CDH8: variants seen among roughly 807,000 people sequenced by gnomAD.
CDH8 encodes the protein cadherin 8.
CDH8 carries 17 observed loss-of-function variants against 68.1 expected under a neutral mutation model. That is an observed-to-expected ratio of 0.25 (90% CI 0.17 to 0.37). The LOEUF (loss-of-function observed/expected upper bound fraction) is 0.37, where lower values mean the gene tolerates loss of function less well. Among genes scored for constraint, CDH8 ranks in the 10% least tolerant of loss-of-function variants. The pLI is 1.00. For synonymous variants in CDH8, 372 were observed against 365.1 expected, an observed-to-expected ratio of 1.02 and a Z score of -0.21; for missense variants, 763 against 999.3, an observed-to-expected ratio of 0.76 and a Z score of 3.19.
intron 3 of CDH8, among the ~76,000 whole-genome samples, chr16:61,896,547 G>A: frequency 6.6e-6 from 1 of 152,182 alleles, no homozygotes; most frequent in East Asian, 1.9e-4. Flanking sequence ...GGCTAAGGAA[G>A]AACAGTGGTA....
Position 61,648,044 on chromosome 16 carries a change from C to A in CDH8, c.*5564G>T. The stretch of plus-strand genomic sequence containing the variant: ...TTTTCACCAGCAAATGCCTACTAAC[C>A]TTGAGACCTAGATGAAACTTCCACA... On this transcript the variant is annotated 3_prime_UTR_variant, in exon 12 of 12. Transcript: ENST00000577390. The A allele has an allele frequency of 1.8e-6, 1 of 552,858 alleles. No individual in the cohort carries two copies. Among genetic ancestry groups the A allele is most frequent in the Non-Finnish European group, 3.2e-6 (1 of 311,824 alleles). 34.2% of individuals were successfully genotyped at this position (552,858 alleles called of 1,614,324 possible).
intron 10 of CDH8, among the ~76,000 whole-genome samples, chr16:61,700,124 A>G (rs1489159177): frequency 6.6e-6 from 1 of 152,188 alleles, no homozygotes; most frequent in Non-Finnish European, 1.5e-5. Flanking sequence ...TTAAAATATT[A>G]AAGTGTGAGA....
intron 2 of CDH8, among the ~76,000 whole-genome samples, chr16:61,945,895 A>G (rs1243263209): frequency 6.6e-6 from 1 of 152,178 alleles, no homozygotes; most frequent in African/African-American, 2.4e-5. Context: ...TTTTTCTTCT[A>G]AATCCTTTGG....
chr16:62,015,251 A>T lies in CDH8; in HGVS notation c.252+5901T>A, dbSNP rs527741133. On this transcript the variant is annotated intron_variant, in intron 2 of 11. Transcript: ENST00000577390. ...GTAAGGTAAATATGAAACATAAATG[A>T]ATTTCATGTTTAGACTTGGCTCCAT... Among the ~76,000 whole-genome samples, 6 of 152,306 alleles carry T rather than the reference A, an allele frequency of 3.9e-5. No homozygotes were observed. The East Asian group carries it at 9.7e-4, about 25-fold the overall frequency.
At chr16:61,742,844 T>A (rs1438874076) in intron 8 of CDH8, among the ~76,000 whole-genome samples, 1 of 152,200 alleles carries the variant, frequency 6.6e-6, no homozygotes, top group Non-Finnish European at 1.5e-5. Context: ...CTCCCTCTTT[T>A]ACTTTTCTCT....
intron 2 of CDH8, among the ~76,000 whole-genome samples, chr16:61,995,311 G>T (rs1046799654): frequency 6.6e-5 from 10 of 152,084 alleles, no homozygotes; most frequent in Non-Finnish European, 1.2e-4. Flanking sequence ...TTGCACAAAA[G>T]ATCATCTAAT....
At chr16:61,849,379 A>G (rs1450055418) in intron 4 of CDH8, among the ~76,000 whole-genome samples, 1 of 152,030 alleles carries the variant, frequency 6.6e-6, no homozygotes, top group Non-Finnish European at 1.5e-5. Flanking sequence ...ACAGGTGACA[A>G]AAACCACTCT....
intron 2 of CDH8, among the ~76,000 whole-genome samples, chr16:61,977,943 AC>A (rs1965467642): frequency 6.6e-6 from 1 of 152,116 alleles, no homozygotes; most frequent in African/African-American, 2.4e-5. Flanking sequence ...TGTTATTTTT[AC>A]CATTTTTAGG....
intron 2 of CDH8, among the ~76,000 whole-genome samples, chr16:61,920,710 T>C (rs1597066790): frequency 2.0e-5 from 1 of 50,372 alleles, no homozygotes; most frequent in African/African-American, 8.0e-5. Flanking sequence ...TCCTCAGGGA[T>C]CTAGAACTAG....
chr16:61,959,986 A>C (rs199805500), intron 2 of CDH8, among the ~76,000 whole-genome samples: 1 of 49,130 alleles, frequency 2.0e-5, no homozygotes, highest in Non-Finnish European at 3.5e-5. Flanking sequence ...GTGTGTGTGT[A>C]TATATATATA....
At chr16:61,850,798 T>C (rs1049065970) in intron 4 of CDH8, among the ~76,000 whole-genome samples, 1 of 152,002 alleles carries the variant, frequency 6.6e-6, no homozygotes, top group African/African-American at 2.4e-5. Flanking sequence ...TAAAAAATAC[T>C]TTCTTGCTCT....
chr16:61,871,445 T>C (rs1309617408), intron 3 of CDH8, among the ~76,000 whole-genome samples: 2 of 151,894 alleles, frequency 1.3e-5, no homozygotes. Flanking sequence ...ATTACAGATG[T>C]GAGCCACTGT....
At chr16:61,768,797 T>G (rs78809870) in intron 8 of CDH8, among the ~76,000 whole-genome samples, 2,434 of 151,928 alleles carry the variant, frequency 0.016, 70 homozygotes, top group African/African-American at 0.055. Flanking sequence ...ATCAATGTTA[T>G]ATTCAAGATA....
intron 8 of CDH8, among the ~76,000 whole-genome samples, chr16:61,747,153 C>T (rs947527092): frequency 6.6e-6 from 1 of 151,988 alleles, no homozygotes; most frequent in Non-Finnish European, 1.5e-5. Context: ...TAAAATCATC[C>T]GTCCATCTAT....
intron 7 of CDH8, among the ~76,000 whole-genome samples, chr16:61,809,406 A>T (rs1056183872): frequency 1.1e-4 from 17 of 152,034 alleles, no homozygotes; most frequent in African/African-American, 4.1e-4. Flanking sequence ...GGACACAGGG[A>T]GGACATCACA....
chr16:61,899,934 T>C (rs936908825), intron 3 of CDH8, among the ~76,000 whole-genome samples: 3 of 151,986 alleles, frequency 2.0e-5, no homozygotes, highest in Middle Eastern at 3.2e-3. Context: ...CATTCTGTAC[T>C]ATACCTGACA....
chr16:61,922,747 T>C lies in CDH8; in HGVS notation c.253-21274A>G, dbSNP rs1964391468. 2.6e-5 allele frequency among the ~76,000 whole-genome samples: 4 copies of C among 152,198 alleles called. No individual in the cohort carries two copies. In the South Asian group the frequency reaches 8.3e-4, roughly 32 times the overall value. Reference sequence around the variant, plus strand: ...GGTTTTTGATCCAGAAGCTGTCAAATGTAGATTCATTCACATGGAAAAAAT... The same window carrying C: ...GGTTTTTGATCCAGAAGCTGTCAAACGTAGATTCATTCACATGGAAAAAAT... On this transcript the variant is annotated intron_variant, in intron 2 of 11. Transcript: ENST00000577390.
chr16:61,821,453 A>T (rs891995882), intron 5 of CDH8, among the ~76,000 whole-genome samples: 7 of 152,088 alleles, frequency 4.6e-5, no homozygotes, highest in African/African-American at 1.7e-4. Flanking sequence ...TTGCTGTATA[A>T]TCACATTTAC....
intron 4 of CDH8, among the ~76,000 whole-genome samples, chr16:61,840,266 G>T (rs1962655506): frequency 6.6e-6 from 1 of 151,526 alleles, no homozygotes; most frequent in Non-Finnish European, 1.5e-5. Context: ...TGTCCTCCTT[G>T]GTAAAAAAAA....
Sources: gnomAD v4.1 joint callset for allele counts (sites outside exome capture counted in the v4.1 genomes callset) on GRCh38, gnomAD v4.1.1 for gene constraint, MANE v1.5 for transcripts, NCBI Gene and HGNC (gene_info 2026-07-23, HGNC 2026-07-21) for gene names.